The following CEP152 variants were observed in gnomAD, a reference collection of about 807,000 sequenced individuals.
The protein encoded by CEP152 is centrosomal protein of 152 kDa.
A neutral mutation model predicts 188.9 loss-of-function variants in CEP152; 132 were observed. That is an observed-to-expected ratio of 0.70 (90% CI 0.61 to 0.81). The LOEUF is 0.81. Among genes scored for constraint, CEP152 ranks in the 30% least tolerant of loss-of-function variants. The pLI, the probability that CEP152 is intolerant of heterozygous loss-of-function variation, is 0.00. For synonymous variants in CEP152, 649 were observed against 666.6 expected (o/e 0.97, Z 0.41); for missense variants, 1,914 against 1,969.8 (o/e 0.97, Z 0.54).
intron 24 of CEP152, among the ~76,000 whole-genome samples, chr15:48,743,857 C>T (rs1353647781): frequency 1.3e-5 from 2 of 150,692 alleles, no homozygotes; most frequent in Admixed American, 6.6e-5. Context: ...AGTGAGATTC[C>T]GTCTCAAAAA....
At position 48,739,062 on chromosome 15, in the gene CEP152, A is replaced by T; in HGVS notation, c.4320T>A (p.His1440Gln). 1.2e-6 allele frequency: 2 copies of T among 1,614,120 alleles called. No individual in the cohort carries two copies. The highest frequency in any genetic ancestry group is 1.7e-6 in the Non-Finnish European group (2 of 1,180,000). ...SIKHVGSKET[H>Q]LEFQFGDGSC... ...TACCATCCCCAAACTGGAATTCCAAATGTGTCTCTTTGGATCCCACATGCT... is the reference window on the plus strand; with the variant it reads ...TACCATCCCCAAACTGGAATTCCAATTGTGTCTCTTTGGATCCCACATGCT... Residue 1440 changes from histidine to glutamine, a missense_variant, in exon 27 of 27, where the codon CAT becomes CAA. His to Gln is a conservative substitution (Grantham distance 24). Coordinates refer to ENST00000380950, the MANE Select transcript of CEP152 (RefSeq NM_001194998.2).
intron 23 of CEP152, 69 bp from the exon 24 acceptor site, chr15:48,744,412 T>C: frequency 6.3e-7 from 1 of 1,582,122 alleles, no homozygotes. Flanking sequence ...AAAATATATA[T>C]GTATCCATAT....
intron 5 of CEP152, 53 bp downstream of exon 5, chr15:48,797,248 C>G: frequency 2.5e-6 from 4 of 1,591,660 alleles, no homozygotes; most frequent in Non-Finnish European, 3.4e-6. Context: ...ACAAACATCA[C>G]GCAAATGCGT....
At chr15:48,731,799 C>A (rs1480050276) in intron 2 of CEP152, among the ~76,000 whole-genome samples, 5 of 152,136 alleles carry the variant, frequency 3.3e-5, no homozygotes, top group African/African-American at 1.2e-4. Context: ...TGACAAAGGT[C>A]TAATATCCAG....
chr15:48,754,825 G>T (rs1894142861), intron 20 of CEP152, among the ~76,000 whole-genome samples: 1 of 152,136 alleles, frequency 6.6e-6, no homozygotes. Flanking sequence ...CTATGTGATT[G>T]CCCAATATAA....
intron 18 of CEP152, among the ~76,000 whole-genome samples, chr15:48,760,848 A>T (rs1894632676): frequency 6.6e-6 from 1 of 152,062 alleles, no homozygotes; most frequent in Admixed American, 6.6e-5. Flanking sequence ...GATTATGTTA[A>T]ATAATTTTAC....
At chr15:48,737,622 C>G (rs1892668976), downstream of CEP152, among the ~76,000 whole-genome samples, 1 of 152,058 alleles carries the variant, frequency 6.6e-6, no homozygotes, top group Admixed American at 6.5e-5. Context: ...CACAGATGAT[C>G]TGAAATAATG....
chr15:48,748,674 A>C, intron 21 of CEP152, 64 bp from the exon 22 acceptor site: 1 of 1,319,216 alleles, frequency 7.6e-7, no homozygotes, highest in Non-Finnish European at 9.7e-7. Context: ...CATTAAAAAA[A>C]AAAAAAAAAG....
intron 9 of CEP152, among the ~76,000 whole-genome samples, chr15:48,787,163 G>GTTTTTTTTTTTTTTTT (rs747436177): frequency 2.0e-5 from 2 of 101,500 alleles, no homozygotes; most frequent in Non-Finnish European, 3.7e-5. Context: ...TATAGCCTTC[G>GTTTTTTTTTTTTTTTT]TTTTTTTTTT....
At chr15:48,741,147 T>TTTTTTTTTTTTGG (rs1595586348) in intron 26 of CEP152, 1 of 960,066 alleles carries the variant, frequency 1.0e-6, no homozygotes, top group African/African-American at 1.8e-5. Context: ...TTTTTTTTTT[T>TTTTTTTTTTTTGG]GAGACAGGGC....
In CEP152 at chr15:48,738,283, C is replaced by A. The variant is rs771609811; in HGVS notation, c.5099G>T (p.Ser1700Ile). ...ATTAACAAATGGGCTATCAAAGCCA[C>A]TATCTTGTTGGCTAGATAGCGGAAC... ...LIVPLSSQQDSGFDSPFVNLD is the reference protein window; with the variant it reads ...LIVPLSSQQDIGFDSPFVNLD Residue 1700 changes from serine to isoleucine, a missense_variant, in exon 27 of 27, where the codon AGT becomes ATT. Transcript: ENST00000380950. 9.3e-6 allele frequency: 15 copies of A among 1,613,748 alleles called. No homozygotes were observed. Among genetic ancestry groups the A allele is most frequent in the Non-Finnish European group, 1.2e-5 (14 of 1,179,812 alleles).
intron 22 of CEP152, among the ~76,000 whole-genome samples, chr15:48,745,521 G>A (rs1173479377): frequency 2.6e-5 from 4 of 151,974 alleles, no homozygotes; most frequent in African/African-American, 4.8e-5. Flanking sequence ...GGCTGAGTCC[G>A]AAAAGAGAGT....
intron 9 of CEP152, among the ~76,000 whole-genome samples, chr15:48,788,295 A>T (rs1478928732): frequency 6.8e-6 from 1 of 146,724 alleles, no homozygotes; most frequent in African/African-American, 2.5e-5. Context: ...TACCTTTAGG[A>T]TGTATTCTCA....
At chr15:48,803,410 A>G (rs954788916) in intron 2 of CEP152, among the ~76,000 whole-genome samples, 4 of 152,236 alleles carry the variant, frequency 2.6e-5, no homozygotes, top group Non-Finnish European at 4.4e-5. Context: ...CATACAGCTG[A>G]AGATTTGTGA....
intron 5 of CEP152, 94 bp downstream of exon 5, chr15:48,797,207 C>A (rs555850465): frequency 2.8e-4 from 393 of 1,394,664 alleles, no homozygotes; most frequent in Non-Finnish European, 3.7e-4. Context: ...ATCATCTTAC[C>A]ATTGTACTCA....
At chr15:48,756,841 T>C (rs1894316281) in intron 19 of CEP152, among the ~76,000 whole-genome samples, 1 of 152,144 alleles carries the variant, frequency 6.6e-6, no homozygotes, top group South Asian at 2.1e-4. Context: ...ATATTACTTT[T>C]CTTAATACAG....
intron 10 of CEP152, chr15:48,783,114 A>C (rs1896371701): frequency 6.6e-6 from 1 of 152,254 alleles, no homozygotes; most frequent in Admixed American, 6.5e-5. Flanking sequence ...TCAGTTAATG[A>C]ATAACTGTTG....
At chr15:48,736,584 C>T (rs965734903), downstream of CEP152, among the ~76,000 whole-genome samples, 16 of 152,072 alleles carry the variant, frequency 1.1e-4, no homozygotes, top group Non-Finnish European at 2.9e-5. Flanking sequence ...TAAGTGGATA[C>T]CTTCATATTT....
chr15:48,798,195 C>T (rs1897443202), intron 2 of CEP152, 144 bp from the exon 3 acceptor site: 10 of 669,276 alleles, frequency 1.5e-5, no homozygotes, highest in South Asian at 1.4e-4. Flanking sequence ...AAGTTCCACA[C>T]AAATTATATT....
Sources: gnomAD v4.1 joint callset for allele counts (sites outside exome capture counted in the v4.1 genomes callset) on GRCh38, gnomAD v4.1.1 for gene constraint, MANE v1.5 for transcripts, NCBI Gene and HGNC (gene_info 2026-07-23, HGNC 2026-07-21) for gene names.